Variants in MXI1 observed in about 807,000 individuals in gnomAD.
The protein encoded by MXI1 is MAX interactor 1, dimerization protein.
Under a neutral mutation model 36.9 loss-of-function variants are expected in MXI1, and 18 were observed. That is an observed-to-expected ratio of 0.49 (90% CI 0.34 to 0.72). MXI1 has a LOEUF of 0.72. Among genes scored for constraint, MXI1 ranks in the 30% least tolerant of loss-of-function variants. MXI1 has a pLI of 0.01. For missense variants in MXI1, 304 were observed against 379.1 expected, an observed-to-expected ratio of 0.80 and a Z score of 1.64; for synonymous variants, 160 against 146.7, an observed-to-expected ratio of 1.09 and a Z score of -0.65.
Position 110,208,006 on chromosome 10 carries a change from C to T in MXI1, c.198C>T (p.Ile66=), listed in dbSNP as rs912039921. Residue 66 remains isoleucine, a synonymous_variant, in exon 1 of 6, where the codon ATC becomes ATT. Transcript: ENST00000332674. ...GCGAGAACTCGATGGAGAAGCACATCAACACTTTTCTGCAGAACGTGCAGA... is the reference window on the plus strand; with the variant it reads ...GCGAGAACTCGATGGAGAAGCACATTAACACTTTTCTGCAGAACGTGCAGA... ...NTSENSMEKH[I]NTFLQNVQIL... 14 of 1,605,340 alleles carry T rather than the reference C, an allele frequency of 8.7e-6. No individual in the cohort carries two copies. In the African/African-American group the frequency reaches 1.6e-4, roughly 19 times the overall value.
At chr10:110,272,195 T>C (rs576268247) in intron 3 of MXI1, among the ~76,000 whole-genome samples, 2 of 152,338 alleles carry the variant, frequency 1.3e-5, no homozygotes, top group African/African-American at 4.8e-5. Context: ...TCAACATGAC[T>C]CTCAACAGAA....
chr10:110,259,626 C>A (rs1027894534), intron 3 of MXI1, among the ~76,000 whole-genome samples: 2 of 151,932 alleles, frequency 1.3e-5, no homozygotes, highest in Admixed American at 6.6e-5. Context: ...TAAAAAATGT[C>A]TTTTTATTAG....
chr10:110,211,897 T>G (rs1387701566), intron 1 of MXI1, among the ~76,000 whole-genome samples: 1 of 152,188 alleles, frequency 6.6e-6, no homozygotes, highest in African/African-American at 2.4e-5. Context: ...AAATTATATG[T>G]AAATAATCTC....
chr10:110,272,095 T>C (rs1229786651), intron 3 of MXI1, among the ~76,000 whole-genome samples: 1 of 152,166 alleles, frequency 6.6e-6, no homozygotes, highest in Non-Finnish European at 1.5e-5. Flanking sequence ...AGTTTGAACA[T>C]AGATTCCTGG....
chr10:110,269,238 T>C (rs1856781827), intron 3 of MXI1, among the ~76,000 whole-genome samples: 1 of 152,242 alleles, frequency 6.6e-6, no homozygotes, highest in Admixed American at 6.5e-5. Flanking sequence ...AATATTCGCC[T>C]TCCAGGGATG....
chr10:110,269,541 A>G (rs1258677125), intron 3 of MXI1, among the ~76,000 whole-genome samples: 1 of 152,206 alleles, frequency 6.6e-6, no homozygotes, highest in African/African-American at 2.4e-5. Flanking sequence ...ACAATAAAGC[A>G]GTTACACTGG....
intron 3 of MXI1, among the ~76,000 whole-genome samples, chr10:110,275,450 A>G (rs1856993762): frequency 6.6e-6 from 1 of 152,232 alleles, no homozygotes; most frequent in South Asian, 2.1e-4. Flanking sequence ...AAAAGGAAGA[A>G]TAATTTTGCC....
intron 3 of MXI1, among the ~76,000 whole-genome samples, chr10:110,273,570 G>A (rs1856929462): frequency 1.3e-5 from 2 of 151,976 alleles, no homozygotes; most frequent in Middle Eastern, 3.4e-3. Flanking sequence ...AGACACTTTG[G>A]TATATATGTG....
At chr10:110,231,619 A>G (rs1855264966) in intron 2 of MXI1, among the ~76,000 whole-genome samples, 1 of 152,206 alleles carries the variant, frequency 6.6e-6, no homozygotes, top group South Asian at 2.1e-4. Context: ...GCTTGATTTT[A>G]CTGTGGTCTT....
intron 1 of MXI1, among the ~76,000 whole-genome samples, chr10:110,218,592 G>C (rs1046202872): frequency 1.3e-5 from 2 of 152,148 alleles, no homozygotes; most frequent in Non-Finnish European, 2.9e-5. Flanking sequence ...AGGGCCCTTT[G>C]GGTGTTGACA....
intron 3 of MXI1, among the ~76,000 whole-genome samples, chr10:110,266,879 T>C (rs1201618440): frequency 6.6e-6 from 1 of 152,208 alleles, no homozygotes; most frequent in African/African-American, 2.4e-5. Context: ...ACCTATCTCT[T>C]ATAAGCTTCC....
In MXI1 at chr10:110,207,773, C is replaced by G. The variant is rs1358628434; in HGVS notation, c.-36C>G. On this transcript the variant is annotated 5_prime_UTR_variant, in exon 1 of 6. Transcript: ENST00000332674. ...GGAGCTCGGCCGGGCCGCGCAGCCC[C>G]GTTAGAGGACGAGCTCGGCGGACCC... 3 of 1,129,540 alleles carry G rather than the reference C, an allele frequency of 2.7e-6. No individual in the cohort carries two copies. The highest frequency in any genetic ancestry group is 3.3e-6 in the Non-Finnish European group (3 of 919,774). The allele number at this position is 1,129,540 out of a possible 1,614,324, so 70.0% of individuals were successfully genotyped here.
chr10:110,274,987 G>A lies in MXI1; in HGVS notation c.438-4193G>A, dbSNP rs543615342. On this transcript the variant is annotated intron_variant, in intron 3 of 5. Transcript: ENST00000332674. ...CCTCCTGGGTTCAAGCGATTCTCCT[G>A]CCTCAGCCGACAGAGTAGCTGGGAT... Among the ~76,000 whole-genome samples, 33 of 147,580 alleles carry A rather than the reference G, an allele frequency of 2.2e-4. No individual in the cohort carries two copies. The South Asian group carries it at 7.0e-3, about 31-fold the overall frequency.
chr10:110,239,310 T>C (rs1357304020), intron 2 of MXI1, among the ~76,000 whole-genome samples: 1 of 152,180 alleles, frequency 6.6e-6, no homozygotes, highest in African/African-American at 2.4e-5. Flanking sequence ...GCTCAACTTC[T>C]TTCAGTTTAG....
chr10:110,261,799 A>G (rs1393341929), intron 3 of MXI1, among the ~76,000 whole-genome samples: 3 of 152,018 alleles, frequency 2.0e-5, no homozygotes, highest in Non-Finnish European at 4.4e-5. Context: ...TTCAGCTCAG[A>G]TTGACTATAT....
intron 3 of MXI1, among the ~76,000 whole-genome samples, chr10:110,245,396 A>G (rs1855826173): frequency 1.3e-5 from 2 of 152,184 alleles, no homozygotes; most frequent in South Asian, 4.1e-4. Context: ...AGGGAAAGAC[A>G]GGTAATTAAA....
At chr10:110,266,138 C>T (rs1023044737) in intron 3 of MXI1, among the ~76,000 whole-genome samples, 1 of 151,010 alleles carries the variant, frequency 6.6e-6, no homozygotes, top group Non-Finnish European at 1.5e-5. Flanking sequence ...GACAGAGTCT[C>T]GCTCAGTTGC....
At position 110,279,195 on chromosome 10, in the gene MXI1, C is replaced by A. The variant is rs1857149098; in HGVS notation, c.453C>A (p.Arg151=). The part of the protein sequence containing the change: ...ELEKNRRAHL[R]LCLERLKVLI... ...TCTTTCTTAGACGAGCTCATCTGCG[C>A]CTTTGTTTAGAACGCTTAAAAGTTC... Residue 151 remains arginine, a synonymous_variant, in exon 4 of 6, where the codon CGC becomes CGA. Transcript: ENST00000332674. 6.2e-7 allele frequency: 1 copy of A among 1,613,942 alleles called. No homozygotes were observed. The highest frequency in any genetic ancestry group is 1.3e-5 in the African/African-American group (1 of 74,908).
At chr10:110,225,458 C>T (rs753913345) in intron 1 of MXI1, among the ~76,000 whole-genome samples, 1 of 151,896 alleles carries the variant, frequency 6.6e-6, no homozygotes, top group Non-Finnish European at 1.5e-5. Flanking sequence ...ATGAAATCAT[C>T]CCTCGTTTTT....
Sources: allele counts gnomAD v4.1 joint callset (sites outside exome capture counted in the v4.1 genomes callset), GRCh38; gene constraint gnomAD v4.1.1; transcripts MANE v1.5; gene names NCBI Gene and HGNC (gene_info 2026-07-23, HGNC 2026-07-21).